Variants in NRG1 observed in about 807,000 individuals in gnomAD.
The protein encoded by NRG1 is neuregulin 1, also known as pro-neuregulin-1, membrane-bound isoform.
NRG1 carries 18 observed loss-of-function variants against 63.8 expected under a neutral mutation model. The ratio of observed to expected loss-of-function variants is 0.28; its 90% CI spans 0.19 to 0.42. The LOEUF is 0.42. Among genes scored for constraint, NRG1 ranks in the 10% least tolerant of loss-of-function variants. The pLI, the probability that NRG1 is intolerant of heterozygous loss-of-function variation, is 1.00. For synonymous variants in NRG1, 302 were observed against 301.3 expected (o/e 1.00, Z -0.02); for missense variants, 762 against 814.7 (o/e 0.94, Z 0.79).
chr8:32,124,459 C>A (rs1833845600), intron 1 of NRG1, among the ~76,000 whole-genome samples: 1 of 151,762 alleles, frequency 6.6e-6, no homozygotes, highest in Non-Finnish European at 1.5e-5. Flanking sequence ...GAATAGAATC[C>A]CCTAATCAAT....
At chr8:32,690,001 A>G (rs1302640849) in intron 5 of NRG1, among the ~76,000 whole-genome samples, 1 of 152,146 alleles carries the variant, frequency 6.6e-6, no homozygotes, top group Non-Finnish European at 1.5e-5. Flanking sequence ...TCAATCTAGG[A>G]CTTCAGGTCT....
chr8:32,659,485 G>A (rs1480012348), intron 5 of NRG1, among the ~76,000 whole-genome samples: 1 of 152,108 alleles, frequency 6.6e-6, no homozygotes, highest in Non-Finnish European at 1.5e-5. Context: ...GCACCTAATT[G>A]GAAATTGTTT....
chr8:31,820,054 T>TA (rs1246858321), intron 1 of NRG1, among the ~76,000 whole-genome samples: 1 of 151,154 alleles, frequency 6.6e-6, no homozygotes, highest in Non-Finnish European at 1.5e-5. Flanking sequence ...TTATAACTGA[T>TA]ACTTCCTTTG....
intron 1 of NRG1, among the ~76,000 whole-genome samples, chr8:32,586,837 G>A (rs1841703724): frequency 6.6e-6 from 1 of 152,130 alleles, no homozygotes; most frequent in Non-Finnish European, 1.5e-5. Context: ...GTGACAACAA[G>A]GCACATTAAC....
chr8:31,684,382 C>A lies in NRG1; in HGVS notation c.37+44951C>A, dbSNP rs762752771. On this transcript the variant is annotated intron_variant, in intron 1 of 10. Transcript: ENST00000519301. ...CTCTTTGGCCCATCAATCTCTTCTG[C>A]CATGTGAAAACATAGCATCAAGGTG... Among the ~76,000 whole-genome samples, 35 of 152,192 alleles carry A rather than the reference C, an allele frequency of 2.3e-4. 1 individual carries two copies. The highest frequency in any genetic ancestry group is 4.9e-4 in the Non-Finnish European group (33 of 68,032).
chr8:32,370,361 A>G (rs1273520104), intron 1 of NRG1, among the ~76,000 whole-genome samples: 4 of 152,176 alleles, frequency 2.6e-5, no homozygotes, highest in African/African-American at 7.2e-5. Context: ...TTGGTAGCAA[A>G]TGGACTGTTA....
At chr8:31,663,898 A>G (rs1806259648) in intron 1 of NRG1, among the ~76,000 whole-genome samples, 1 of 152,110 alleles carries the variant, frequency 6.6e-6, no homozygotes, top group Admixed American at 6.5e-5. Flanking sequence ...GAAAGCAAAG[A>G]GAGTAGGTAA....
intron 1 of NRG1, among the ~76,000 whole-genome samples, chr8:32,330,832 C>T (rs1309120685): frequency 6.6e-6 from 1 of 152,174 alleles, no homozygotes; most frequent in Non-Finnish European, 1.5e-5. Flanking sequence ...TGAAATTCTA[C>T]TGTGTTAAAG....
intron 1 of NRG1, among the ~76,000 whole-genome samples, chr8:31,745,530 A>G (rs1301834471): frequency 6.6e-6 from 1 of 151,972 alleles, no homozygotes; most frequent in Non-Finnish European, 1.5e-5. Context: ...GCTGGAGGTA[A>G]TAGGAGAACA....
At chr8:32,155,886 G>A (rs1838009896) in intron 1 of NRG1, among the ~76,000 whole-genome samples, 1 of 152,098 alleles carries the variant, frequency 6.6e-6, no homozygotes, top group Non-Finnish European at 1.5e-5. Flanking sequence ...TCTGCCTGAT[G>A]TCTTTCAAAT....
intron 1 of NRG1, chr8:32,441,194 T>G (rs1037428029): frequency 6.6e-6 from 1 of 152,276 alleles, no homozygotes; most frequent in African/African-American, 2.4e-5. Context: ...TTAGGCACTT[T>G]CCCTGATAGT....
intron 1 of NRG1, among the ~76,000 whole-genome samples, chr8:32,430,744 T>C (rs2129486718): frequency 6.6e-6 from 1 of 152,178 alleles, no homozygotes; most frequent in Non-Finnish European, 1.5e-5. Context: ...ACTGCAAACA[T>C]TTATGGTCTG....
At chr8:32,284,545 T>C (rs1389185461) in intron 1 of NRG1, among the ~76,000 whole-genome samples, 2 of 151,288 alleles carry the variant, frequency 1.3e-5, no homozygotes, top group South Asian at 2.1e-4. Context: ...CTTCCTTCTT[T>C]CTTTCCACAG....
intron 9 of NRG1, 49 bp from the exon 10 acceptor site, chr8:32,759,257 T>G (rs1428649072): frequency 6.3e-7 from 1 of 1,587,412 alleles, no homozygotes; most frequent in Admixed American, 1.7e-5. Context: ...GTGCTTTGAT[T>G]GACATGAATC....
chr8:32,476,609 TTA>T (rs1231873562), intron 1 of NRG1, among the ~76,000 whole-genome samples: 1 of 152,200 alleles, frequency 6.6e-6, no homozygotes, highest in African/African-American at 2.4e-5. Flanking sequence ...ATTCCGGAAA[TTA>T]TATGTTGGGT....
intron 1 of NRG1, among the ~76,000 whole-genome samples, chr8:32,396,473 A>T (rs1384289555): frequency 6.6e-6 from 1 of 152,058 alleles, no homozygotes; most frequent in Non-Finnish European, 1.5e-5. Context: ...TTAGAGATGG[A>T]GTTTTGTTCT....
chr8:32,516,865 A>G (rs1028279382), intron 1 of NRG1, among the ~76,000 whole-genome samples: 2 of 152,176 alleles, frequency 1.3e-5, no homozygotes, highest in African/African-American at 4.8e-5. Flanking sequence ...TGAATGAATT[A>G]TTACTAGTTG....
At chr8:32,178,156 T>C (rs1273011393) in intron 1 of NRG1, among the ~76,000 whole-genome samples, 4 of 152,100 alleles carry the variant, frequency 2.6e-5, no homozygotes, top group African/African-American at 9.7e-5. Context: ...AGGGTCAAAA[T>C]AAATTTTGTG....
chr8:32,138,860 A>G lies in NRG1; in HGVS notation c.38-456968A>G, dbSNP rs569777282. 3.9e-5 allele frequency among the ~76,000 whole-genome samples: 6 copies of G among 152,240 alleles called. No individual in the cohort carries two copies. In the East Asian group the frequency reaches 5.8e-4, roughly 15 times the overall value. On this transcript the variant is annotated intron_variant, in intron 1 of 10. Coordinates refer to the NRG1 transcript ENST00000519301. The stretch of plus-strand genomic sequence containing the variant: ...CCTAGGATTATAGGCATGAGCCACC[A>G]TGCCCAGCAAGCTCACAGCAATTTT...
Sources: gnomAD v4.1 joint callset for allele counts (sites outside exome capture counted in the v4.1 genomes callset) on GRCh38, gnomAD v4.1.1 for gene constraint, MANE v1.5 for transcripts, NCBI Gene and HGNC (gene_info 2026-07-23, HGNC 2026-07-21) for gene names.